Variants in NAV2 observed in about 807,000 individuals in gnomAD.
The protein encoded by NAV2 is helicase, APC down-regulated 1.
A neutral mutation model predicts 223.2 loss-of-function variants in NAV2; 54 were observed. That is an observed-to-expected ratio of 0.24 (90% CI 0.19 to 0.30). The LOEUF (loss-of-function observed/expected upper bound fraction) is 0.30, where lower values mean the gene tolerates loss of function less well. Ranked by LOEUF, NAV2 falls within the 10% of genes least tolerant of loss-of-function variation. The probability of loss-of-function intolerance (pLI) is 1.00; values close to 1 mark genes in which losing one functional copy is unlikely to be tolerated. For missense variants in NAV2, 2,806 were observed against 3,147.5 expected (o/e 0.89, Z 2.60); for synonymous variants, 1,279 against 1,239.3 (o/e 1.03, Z -0.67).
At chr11:19,387,460 C>T (rs761912295) in intron 1 of NAV2, among the ~76,000 whole-genome samples, 8 of 152,220 alleles carry the variant, frequency 5.3e-5, no homozygotes, top group African/African-American at 1.2e-4. Context: ...GGGTGGTGCA[C>T]GAGAGAAGAT....
chr11:19,776,284 C>T (rs886807146), intron 1 of NAV2, among the ~76,000 whole-genome samples: 2 of 152,080 alleles, frequency 1.3e-5, no homozygotes, highest in African/African-American at 4.8e-5. Context: ...AGGGTCACTG[C>T]CAGATGAGAG....
intron 11 of NAV2, among the ~76,000 whole-genome samples, chr11:19,985,647 G>T (rs2050729245): frequency 6.6e-6 from 1 of 152,006 alleles, no homozygotes; most frequent in South Asian, 2.1e-4. Flanking sequence ...CATGATCCTG[G>T]CTTACTGCAA....
rs769963966 is a variant in NAV2, at chr11:19,713,471, C to T, written c.-225C>T. On this transcript the variant is annotated 5_prime_UTR_variant, in exon 1 of 38. Coordinates refer to ENST00000349880, the MANE Select transcript of NAV2 (RefSeq NM_145117.5). This position sits in a 1 kb window ranked among gnomAD's most constrained non-coding sequence, Gnocchi z 7.2. ...CGGCAGCATCCGTCCAGGTGGGACC[C>T]GCTGAGCGCCGTGGCCAGTCCCCCA... 102 of 1,338,262 alleles carry T rather than the reference C, an allele frequency of 7.6e-5. No homozygotes were observed. Among genetic ancestry groups the T allele is most frequent in the Non-Finnish European group, 9.0e-5 (95 of 1,050,900 alleles). The allele number at this position is 1,338,262 out of a possible 1,614,324, so 82.9% of individuals were successfully genotyped here.
chr11:19,469,542 G>A (rs1006679420), intron 1 of NAV2, among the ~76,000 whole-genome samples: 2 of 152,176 alleles, frequency 1.3e-5, no homozygotes, highest in African/African-American at 2.4e-5. Flanking sequence ...ATTGGTTTCA[G>A]CCTTCACCCT....
chr11:19,648,813 T>C (rs533850964), intron 1 of NAV2, among the ~76,000 whole-genome samples: 31 of 152,352 alleles, frequency 2.0e-4, no homozygotes, highest in Admixed American at 2.0e-3. Context: ...TAGCTAGGTG[T>C]AGAGGAATCA....
At chr11:19,514,760 G>A (rs932927961) in intron 1 of NAV2, among the ~76,000 whole-genome samples, 4 of 152,256 alleles carry the variant, frequency 2.6e-5, no homozygotes, top group Non-Finnish European at 2.9e-5. Flanking sequence ...TCTCCTGCCC[G>A]CAGCAGCTGC....
chr11:19,688,884 T>C (rs1184426871), intron 1 of NAV2, among the ~76,000 whole-genome samples: 2 of 152,148 alleles, frequency 1.3e-5, no homozygotes, highest in Non-Finnish European at 2.9e-5. Flanking sequence ...CAATTATTAA[T>C]AGCATCCCCT....
At chr11:20,022,243 T>A (rs1169144627) in intron 11 of NAV2, among the ~76,000 whole-genome samples, 1 of 152,214 alleles carries the variant, frequency 6.6e-6, no homozygotes, top group Non-Finnish European at 1.5e-5. Flanking sequence ...ATAGCATCTG[T>A]TTACATAGTT....
chr11:20,093,124 A>G lies in NAV2; in HGVS notation c.5841A>G (p.Glu1947=). The part of the protein sequence containing the change: ...SLDMLLDDTG[E]CSARKEGGRH... The stretch of plus-strand genomic sequence containing the variant: ...ACATGTTGCTGGATGACACTGGTGA[A>G]TGCTCGGCTCGGAAGGAAGGAGGCA... Residue 1947 remains glutamate (E), a synonymous_variant, in exon 29 of 38, where the codon GAA becomes GAG. Coordinates refer to ENST00000349880, the MANE Select transcript of NAV2 (RefSeq NM_145117.5). The G allele has an allele frequency of 2.5e-6, 4 of 1,614,030 alleles. No individual in the cohort carries two copies. The highest frequency in any genetic ancestry group is 3.4e-6 in the Non-Finnish European group (4 of 1,179,980).
chr11:19,952,469 C>T (rs756104888), intron 10 of NAV2, among the ~76,000 whole-genome samples: 1 of 152,132 alleles, frequency 6.6e-6, no homozygotes, highest in Non-Finnish European at 1.5e-5. Flanking sequence ...AACATCCAGG[C>T]GCTTGGAAAC....
intron 5 of NAV2, among the ~76,000 whole-genome samples, chr11:19,889,293 G>A (rs1029112759): frequency 6.6e-6 from 1 of 152,128 alleles, no homozygotes; most frequent in African/African-American, 2.4e-5. Context: ...AATGTCAGAC[G>A]GAGGAGGCTT....
rs376036523 is a variant in NAV2, at chr11:19,721,343, C to A, written c.267+7381C>A. 5.3e-5 allele frequency among the ~76,000 whole-genome samples: 8 copies of A among 152,234 alleles called. 1 individual carries two copies. In the South Asian group the frequency reaches 1.0e-3, roughly 20 times the overall value. On this transcript the variant is annotated intron_variant, in intron 1 of 37. Coordinates refer to ENST00000349880, the MANE Select transcript of NAV2 (RefSeq NM_145117.5). ...TAGTTGCTTAATCATATTGGTTGAA[C>A]CCTTTTGGGATGTTTAAAATTTCAA...
chr11:19,542,956 C>T (rs1429793527), intron 1 of NAV2, among the ~76,000 whole-genome samples: 1 of 152,188 alleles, frequency 6.6e-6, no homozygotes, highest in African/African-American at 2.4e-5. Context: ...GGATGAAGCC[C>T]GTTTCCCTTT....
intron 1 of NAV2, among the ~76,000 whole-genome samples, chr11:19,574,880 A>G (rs1203341282): frequency 1.3e-5 from 2 of 152,214 alleles, no homozygotes; most frequent in East Asian, 3.8e-4. Flanking sequence ...ACAACATTTG[A>G]AGCAGGACTT....
chr11:19,971,912 A>G (rs1348054577), intron 10 of NAV2, among the ~76,000 whole-genome samples: 1 of 152,180 alleles, frequency 6.6e-6, no homozygotes, highest in East Asian at 1.9e-4. Flanking sequence ...CATGTTGGCT[A>G]GGCTGGTTTT....
chr11:19,366,396 C>T (rs1447627346), intron 1 of NAV2, among the ~76,000 whole-genome samples: 1 of 152,166 alleles, frequency 6.6e-6, no homozygotes, highest in Non-Finnish European at 1.5e-5. Flanking sequence ...GGCTGCTCTT[C>T]CTGCTTCCTG....
intron 1 of NAV2, among the ~76,000 whole-genome samples, chr11:19,469,441 A>G (rs574690862): frequency 6.6e-6 from 1 of 152,328 alleles, no homozygotes; most frequent in South Asian, 2.1e-4. Context: ...ACTGGGTGGG[A>G]AAATCTACCA....
At chr11:20,091,070 C>T (rs1344802936) in intron 27 of NAV2, 52 bp downstream of exon 27, 4 of 1,587,464 alleles carry the variant, frequency 2.5e-6, no homozygotes, top group African/African-American at 1.3e-5. Flanking sequence ...GAAGGAGCTC[C>T]CAGAGGCTGC....
intron 1 of NAV2, among the ~76,000 whole-genome samples, chr11:19,590,746 A>T (rs944324277): frequency 6.6e-6 from 1 of 152,232 alleles, no homozygotes. Context: ...AAATACCACC[A>T]TTATGGTTTT....
Sources: gnomAD v4.1 joint callset for allele counts (sites outside exome capture counted in the v4.1 genomes callset) on GRCh38, gnomAD v4.1.1 for gene constraint, Gnocchi (gnomAD v3.1) non-coding constraint, MANE v1.5 for transcripts, NCBI Gene and HGNC (gene_info 2026-07-23, HGNC 2026-07-21) for gene names.